Variants in ATF2 observed in about 807,000 individuals in gnomAD.
ATF2 encodes cyclic AMP-dependent transcription factor ATF-2.
Under a neutral mutation model 60.6 loss-of-function variants are expected in ATF2, and 24 were observed. The ratio of observed to expected loss-of-function variants is 0.40; its 90% CI spans 0.29 to 0.56. The LOEUF is 0.56. ATF2 is among the 20% of genes least tolerant of loss of function. The pLI is 0.54. For missense variants in ATF2, 433 were observed against 607.7 expected (o/e 0.71, Z 3.02); for synonymous variants, 206 against 215.4 (o/e 0.96, Z 0.38).
rs1696702383 is a variant in ATF2, at chr2:175,118,028, G to A, written c.409C>T (p.Pro137Ser). 3 of 1,611,712 alleles carry A rather than the reference G, an allele frequency of 1.9e-6. No individual in the cohort carries two copies. Among genetic ancestry groups the A allele is most frequent in the Non-Finnish European group, 2.5e-6 (3 of 1,178,620 alleles). Residue 137 changes from proline (P) to serine (S), a missense_variant, in exon 7 of 14, where the codon CCT becomes TCT. Transcript: ENST00000264110. ...GTAGTAGACTCTGGGTGAGGTAAAG[G>A]ACTATCCTGGTGAGTTGTTTCTACA... Reference protein sequence around the residue: ...SVVETTHQDSPLPHPESTTSD... With the variant: ...SVVETTHQDSSLPHPESTTSD...
At chr2:175,159,631 A>T (rs1223711206) in intron 1 of ATF2, among the ~76,000 whole-genome samples, 2 of 152,250 alleles carry the variant, frequency 1.3e-5, no homozygotes, top group East Asian at 3.8e-4. Flanking sequence ...TGAAGAGTGA[A>T]ATCAGTTCAA....
Position 175,072,382 on chromosome 2 carries a change from T to C in ATF2, c.*2227A>G, listed in dbSNP as rs1692997735. On this transcript the variant is annotated 3_prime_UTR_variant, in exon 14 of 14. Coordinates refer to ENST00000264110, the MANE Select transcript of ATF2 (RefSeq NM_001880.4). Reference sequence around the variant, plus strand: ...GAAAATGCTAGGTACAGAAGTAGTATGACATCCTGAAAGTCAAAATGGAAT... The same window carrying C: ...GAAAATGCTAGGTACAGAAGTAGTACGACATCCTGAAAGTCAAAATGGAAT... 1 of 152,194 alleles carries C rather than the reference T, an allele frequency of 6.6e-6. No homozygotes were observed. The highest frequency in any genetic ancestry group is 2.4e-5 in the African/African-American group (1 of 41,456). The allele number at this position is 152,194 out of a possible 1,614,324, so 9.4% of individuals were successfully genotyped here. A position where few individuals can be genotyped will look rare whatever the true frequency, so the allele number is the denominator to read the frequency against.
At chr2:175,143,855 T>C (rs1698763690) in intron 2 of ATF2, among the ~76,000 whole-genome samples, 1 of 152,098 alleles carries the variant, frequency 6.6e-6, no homozygotes, top group African/African-American at 2.4e-5. Context: ...TGCAGTGGCA[T>C]GATCATGGTT....
At chr2:175,090,632 G>A (rs753404692) in intron 12 of ATF2, among the ~76,000 whole-genome samples, 5 of 151,896 alleles carry the variant, frequency 3.3e-5, no homozygotes, top group Non-Finnish European at 7.4e-5. Context: ...CAAAAATACT[G>A]GTTTTACTTC....
At chr2:175,139,062 T>C (rs921968696) in intron 2 of ATF2, among the ~76,000 whole-genome samples, 1 of 152,192 alleles carries the variant, frequency 6.6e-6, no homozygotes. Flanking sequence ...CATTTTAAAA[T>C]AGTATATGTA....
At chr2:175,105,740 T>C (rs1443150001) in intron 10 of ATF2, among the ~76,000 whole-genome samples, 2 of 152,120 alleles carry the variant, frequency 1.3e-5, no homozygotes, top group East Asian at 3.8e-4. Flanking sequence ...TAAATAGCTA[T>C]GATCTATTAG....
intron 1 of ATF2, among the ~76,000 whole-genome samples, chr2:175,163,518 G>GT (rs1434561621): frequency 1.7e-4 from 26 of 152,026 alleles, no homozygotes; most frequent in African/African-American, 6.0e-4. Flanking sequence ...AAGTGGCTGA[G>GT]AACCACTATC....
intron 4 of ATF2, among the ~76,000 whole-genome samples, chr2:175,124,300 T>G (rs935805539): frequency 1.3e-5 from 2 of 151,828 alleles, no homozygotes; most frequent in Admixed American, 1.3e-4. Context: ...AAAAGATTTT[T>G]TTTTTTGATA....
At chr2:175,085,553 TACACACACACACACACAC>T (rs56804408) in intron 12 of ATF2, among the ~76,000 whole-genome samples, 9 of 141,418 alleles carry the variant, frequency 6.4e-5, no homozygotes, top group East Asian at 2.1e-4. Flanking sequence ...ATACATAACA[TACACACACACACACACAC>T]ACACACACAC....
At chr2:175,091,380 A>C (rs547163467) in intron 12 of ATF2, among the ~76,000 whole-genome samples, 10 of 152,230 alleles carry the variant, frequency 6.6e-5, no homozygotes, top group Non-Finnish European at 1.2e-4. Flanking sequence ...ACAGAAAAAA[A>C]ATACACATAC....
intron 2 of ATF2, among the ~76,000 whole-genome samples, chr2:175,138,376 C>A (rs1315432885): frequency 6.6e-6 from 1 of 152,146 alleles, no homozygotes; most frequent in African/African-American, 2.4e-5. Flanking sequence ...ACTAATCAAG[C>A]ATCCAACTCA....
At chr2:175,162,625 T>C (rs1436423922) in intron 1 of ATF2, among the ~76,000 whole-genome samples, 1 of 152,212 alleles carries the variant, frequency 6.6e-6, no homozygotes, top group Non-Finnish European at 1.5e-5. Flanking sequence ...TTAATACTTA[T>C]TTTTCAACTA....
At chr2:175,121,001 T>A (rs1696921319) in intron 5 of ATF2, among the ~76,000 whole-genome samples, 1 of 151,782 alleles carries the variant, frequency 6.6e-6, no homozygotes, top group African/African-American at 2.4e-5. Context: ...AAATGTTTAG[T>A]CTGAAAAGAA....
chr2:175,157,645 G>C (rs187184833), intron 1 of ATF2, among the ~76,000 whole-genome samples: 58 of 152,266 alleles, frequency 3.8e-4, no homozygotes, highest in Non-Finnish European at 6.5e-4. Context: ...AACACTGAAG[G>C]GGGAGGGGCA....
At chr2:175,145,087 A>C (rs973655044) in intron 2 of ATF2, among the ~76,000 whole-genome samples, 3 of 152,218 alleles carry the variant, frequency 2.0e-5, no homozygotes, top group African/African-American at 7.2e-5. Context: ...CTCAACATAA[A>C]GATACAGAAA....
At chr2:175,089,726 G>T (rs1694413475) in intron 12 of ATF2, among the ~76,000 whole-genome samples, 1 of 152,048 alleles carries the variant, frequency 6.6e-6, no homozygotes, top group Non-Finnish European at 1.5e-5. Context: ...CAAATAAGTA[G>T]AAAACAACAA....
rs180995963 is a variant in ATF2, at chr2:175,140,943, A to T, written c.-43-4457T>A. ...GCCTAGGATTTTGAGACTGCAGTGA[A>T]CTATGCTCTTGCCAATACACTCCAG... is the stretch of plus-strand genomic sequence containing the variant. On this transcript the variant is annotated intron_variant, in intron 2 of 13. Transcript: ENST00000264110. Among the ~76,000 whole-genome samples the T allele has an allele frequency of 6.0e-3, 817 of 137,266 alleles. 7 individuals are homozygous for T. Among genetic ancestry groups the T allele is most frequent in the African/African-American group, 0.021 (783 of 37,090 alleles). The allele number at this position is 137,266 out of a possible 152,430, so 90.1% of individuals were successfully genotyped here.
At chr2:175,145,169 T>C (rs1010736522) in intron 2 of ATF2, among the ~76,000 whole-genome samples, 1 of 152,158 alleles carries the variant, frequency 6.6e-6, no homozygotes, top group Non-Finnish European at 1.5e-5. Context: ...TGAGAGGGCC[T>C]GGGAACACTG....
chr2:175,142,666 A>G (rs1698625883), intron 2 of ATF2, among the ~76,000 whole-genome samples: 1 of 151,686 alleles, frequency 6.6e-6, no homozygotes, highest in Non-Finnish European at 1.5e-5. Context: ...ATAATTCTAA[A>G]AAACCCTAAC....
Sources: allele counts gnomAD v4.1 joint callset (sites outside exome capture counted in the v4.1 genomes callset), GRCh38; gene constraint gnomAD v4.1.1; transcripts MANE v1.5; gene names NCBI Gene and HGNC (gene_info 2026-07-23, HGNC 2026-07-21).